LRRC7: variants seen among roughly 807,000 people sequenced by gnomAD.
LRRC7 encodes the protein leucine rich repeat containing 7.
LRRC7 carries 23 observed loss-of-function variants against 175.7 expected under a neutral mutation model. The observed-to-expected ratio is 0.13, with a 90% CI of 0.09 to 0.19. LRRC7 has a LOEUF of 0.19. Ranked by LOEUF, LRRC7 falls within the 10% of genes least tolerant of loss-of-function variation. LRRC7 has a pLI of 1.00. For missense variants in LRRC7, 1,354 were observed against 1,904.7 expected (o/e 0.71, Z 5.38); for synonymous variants, 685 against 680.9 (o/e 1.01, Z -0.09).
In LRRC7 at chr1:69,648,835, C is replaced by T. The variant is rs1038217352; in HGVS notation, c.3-29546C>T. Among the ~76,000 whole-genome samples, 8 of 152,306 alleles carry T rather than the reference C, an allele frequency of 5.3e-5. 1 individual carries two copies. On this transcript the variant is annotated intron_variant, in intron 1 of 26. Coordinates refer to ENST00000651989, the MANE Select transcript of LRRC7 (RefSeq NM_001370785.2). The stretch of plus-strand genomic sequence containing the variant: ...AAGTGGTTTTTGACTTTTAGTAACA[C>T]TGTGAGACACTAGGTAAAAACAGGT...
intron 7 of LRRC7, among the ~76,000 whole-genome samples, chr1:69,859,674 GTATAAAT>G (rs1684146276): frequency 6.6e-6 from 1 of 151,870 alleles, no homozygotes; most frequent in African/African-American, 2.4e-5. Context: ...TAGCTAAATT[GTATAAAT>G]TTAAACGTTA....
At position 70,143,248 on chromosome 1, in the gene LRRC7, A is replaced by G. The variant is rs1433742551; in HGVS notation, c.*21361A>G. Reference sequence around the variant, plus strand: ...CTGACTTCACTACCATATGTGCAGCACAACAGTGACATCTTAAGGCCAAGT... The same window carrying G: ...CTGACTTCACTACCATATGTGCAGCGCAACAGTGACATCTTAAGGCCAAGT... On this transcript the variant is annotated 3_prime_UTR_variant, in exon 27 of 27. Transcript: ENST00000651989. 2 of 151,456 alleles carry G rather than the reference A, an allele frequency of 1.3e-5. No homozygotes were observed. Among genetic ancestry groups the G allele is most frequent in the Non-Finnish European group, 2.9e-5 (2 of 67,914 alleles). The allele number at this position is 151,456 out of a possible 1,614,324, so 9.4% of individuals were successfully genotyped here.
chr1:69,831,221 A>G (rs17131038), intron 5 of LRRC7, among the ~76,000 whole-genome samples: 8,502 of 152,106 alleles, frequency 0.056, 464 homozygotes, highest in African/African-American at 0.14. Flanking sequence ...GTCTAATTTT[A>G]CATGTATCAT....
intron 10 of LRRC7, among the ~76,000 whole-genome samples, chr1:69,990,940 G>A (rs1654376422): frequency 6.6e-6 from 1 of 152,058 alleles, no homozygotes; most frequent in Admixed American, 6.6e-5. Flanking sequence ...ATTTTACAAA[G>A]GCAATAGAGT....
Position 69,825,797 on chromosome 1 carries a change from T to A in LRRC7, c.471T>A (p.Ile157=). The change falls in exon 5 of 27, where the codon ATT becomes ATA. Residue 157 remains isoleucine (I), a synonymous_variant. Coordinates refer to ENST00000651989, the MANE Select transcript of LRRC7 (RefSeq NM_001370785.2). ...TAAAGTGCTGTAAGTGTTTAACAAT[T>A]ATTGAAGCCAGTGTCAATCCCATTT... is the stretch of plus-strand genomic sequence containing the variant. ...ENIKCCKCLT[I]IEASVNPISK... The A allele has an allele frequency of 6.2e-7, 1 of 1,605,062 alleles. No individual in the cohort carries two copies. Among genetic ancestry groups the A allele is most frequent in the South Asian group, 1.1e-5 (1 of 89,658 alleles).
Position 69,868,692 on chromosome 1 carries a change from C to T in LRRC7, c.647+30409C>T, listed in dbSNP as rs941743855. Among the ~76,000 whole-genome samples, 3 of 152,034 alleles carry T rather than the reference C, an allele frequency of 2.0e-5. No individual in the cohort carries two copies. The South Asian group carries it at 6.2e-4, about 32-fold the overall frequency. On this transcript the variant is annotated intron_variant, in intron 7 of 26. Transcript: ENST00000651989. ...TATACATAATGCATGTATTCATTTG[C>T]TAGGACTGCCATAACAAAGTGCCAC...
chr1:69,762,953 C>G (rs1176280742), intron 3 of LRRC7, among the ~76,000 whole-genome samples: 1 of 151,676 alleles, frequency 6.6e-6, no homozygotes, highest in African/African-American at 2.4e-5. Flanking sequence ...ATTTTTTTTA[C>G]TTTCATAAAA....
chr1:70,069,218 T>G (rs532148331), intron 23 of LRRC7, among the ~76,000 whole-genome samples: 3 of 152,108 alleles, frequency 2.0e-5, no homozygotes, highest in Non-Finnish European at 4.4e-5. Context: ...TCCACATTGC[T>G]AGGGAGGCCT....
rs1022274339 is a variant in LRRC7, at chr1:69,777,775, C to G, written c.304-14268C>G. Among the ~76,000 whole-genome samples, 11 of 152,202 alleles carry G rather than the reference C, an allele frequency of 7.2e-5. No individual in the cohort carries two copies. The East Asian group carries it at 1.2e-3, about 16-fold the overall frequency. ...TCACCTCTCCATCCTATGACTGAAG[C>G]CTGTGTCAGACCTTCATCTCACAGC... is the stretch of plus-strand genomic sequence containing the variant. On this transcript the variant is annotated intron_variant, in intron 3 of 26. Transcript: ENST00000651989.
intron 1 of LRRC7, among the ~76,000 whole-genome samples, chr1:69,633,641 C>A (rs905699665): frequency 2.0e-5 from 3 of 151,938 alleles, no homozygotes; most frequent in African/African-American, 7.2e-5. Flanking sequence ...GTTGGCCAGG[C>A]CGATTATGAA....
chr1:69,589,459 T>C (rs925304242), intron 1 of LRRC7, among the ~76,000 whole-genome samples: 2 of 152,242 alleles, frequency 1.3e-5, no homozygotes, highest in Middle Eastern at 3.4e-3. Flanking sequence ...GTATGAAGAA[T>C]CCAATCGGGA....
intron 2 of LRRC7, among the ~76,000 whole-genome samples, chr1:69,741,942 T>C (rs1668757549): frequency 6.6e-6 from 1 of 151,972 alleles, no homozygotes; most frequent in Non-Finnish European, 1.5e-5. Context: ...AAAATGAACT[T>C]CCATCGTGTG....
intron 2 of LRRC7, among the ~76,000 whole-genome samples, chr1:69,757,889 A>T (rs533644157): frequency 4.0e-5 from 6 of 151,768 alleles, no homozygotes; most frequent in African/African-American, 1.4e-4. Flanking sequence ...AAAAACCTGG[A>T]AATCTTTCAA....
At chr1:69,886,192 T>G (rs572411970) in intron 7 of LRRC7, among the ~76,000 whole-genome samples, 21 of 152,154 alleles carry the variant, frequency 1.4e-4, no homozygotes, top group African/African-American at 4.3e-4. Flanking sequence ...CTGTCTCGTT[T>G]ATCTGTCTAA....
intron 4 of LRRC7, among the ~76,000 whole-genome samples, chr1:69,811,242 A>G (rs1206007166): frequency 6.6e-6 from 1 of 152,184 alleles, no homozygotes; most frequent in Non-Finnish European, 1.5e-5. Flanking sequence ...ATCAGTTAGA[A>G]TGGCAATCAT....
intron 23 of LRRC7, among the ~76,000 whole-genome samples, chr1:70,059,475 G>A (rs1322362894): frequency 1.0e-4 from 1 of 10,038 alleles, no homozygotes; most frequent in Non-Finnish European, 2.1e-4. Flanking sequence ...CTAGAAGAAA[G>A]TGTGTGTGTG....
chr1:69,931,066 C>T (rs983344061), intron 7 of LRRC7, among the ~76,000 whole-genome samples: 1 of 152,096 alleles, frequency 6.6e-6, no homozygotes, highest in Non-Finnish European at 1.5e-5. Context: ...TACAATTTGT[C>T]TGTAACAGAA....
chr1:69,606,118 A>G (rs912720315), intron 1 of LRRC7, among the ~76,000 whole-genome samples: 5 of 152,154 alleles, frequency 3.3e-5, no homozygotes, highest in Non-Finnish European at 7.4e-5. Flanking sequence ...TGCAAGTACA[A>G]AATGCCCTTA....
At chr1:69,738,548 C>T (rs898809325) in intron 2 of LRRC7, among the ~76,000 whole-genome samples, 1 of 151,832 alleles carries the variant, frequency 6.6e-6, no homozygotes, top group African/African-American at 2.4e-5. Flanking sequence ...AGAAAAATTG[C>T]CTTTGTGTGT....
Sources: gnomAD v4.1 joint callset for allele counts (sites outside exome capture counted in the v4.1 genomes callset) on GRCh38, gnomAD v4.1.1 for gene constraint, MANE v1.5 for transcripts, NCBI Gene and HGNC (gene_info 2026-07-23, HGNC 2026-07-21) for gene names.